SLC6A5: variants seen among roughly 807,000 people sequenced by gnomAD.
SLC6A5 encodes solute carrier family 6 member 5.
In SLC6A5, 58 loss-of-function variants were observed where a neutral mutation model predicts 90.5. The observed-to-expected ratio is 0.64, with a 90% CI of 0.52 to 0.80. The LOEUF (loss-of-function observed/expected upper bound fraction) is 0.80. Among genes scored for constraint, SLC6A5 ranks in the 30% least tolerant of loss-of-function variants. SLC6A5 has a pLI of 0.00. For missense variants in SLC6A5, 1,015 were observed against 1,017.6 expected (o/e 1.00, Z 0.03); for synonymous variants, 427 against 401.4 (o/e 1.06, Z -0.76).
chr11:20,630,898 G>A, intron 10 of SLC6A5, 83 bp downstream of exon 10: 1 of 1,520,518 alleles, frequency 6.6e-7, no homozygotes, highest in Non-Finnish European at 9.0e-7. Context: ...ATGCTGGGAA[G>A]CTGGCCTTCT....
chr11:20,600,962 T>G (rs1852459144), intron 1 of SLC6A5, among the ~76,000 whole-genome samples, 167 bp from the exon 2 acceptor site: 1 of 152,178 alleles, frequency 6.6e-6, no homozygotes, highest in Non-Finnish European at 1.5e-5. Context: ...AACGGGCAAA[T>G]TGAGAAATAC....
chr11:20,604,469 C>A, intron 3 of SLC6A5, 45 bp downstream of exon 3: 2 of 1,603,134 alleles, frequency 1.2e-6, no homozygotes, highest in Non-Finnish European at 8.5e-7. Context: ...GCGGGGCGGG[C>A]ACCTGAGGGT....
chr11:20,613,433 A>AGTCT (rs1745931478), intron 5 of SLC6A5, among the ~76,000 whole-genome samples: 1 of 152,214 alleles, frequency 6.6e-6, no homozygotes, highest in Admixed American at 6.5e-5. Flanking sequence ...AAAGAGAGGC[A>AGTCT]TTGTAAAATG....
At chr11:20,637,098 C>T in intron 11 of SLC6A5, 74 bp from the exon 12 acceptor site, 2 of 1,450,052 alleles carry the variant, frequency 1.4e-6, no homozygotes, top group Non-Finnish European at 1.9e-6. Context: ...CTGGATGGGA[C>T]ATACAAAGGG....
chr11:20,652,271 T>A lies in SLC6A5; in HGVS notation c.2071-18T>A. On this transcript the variant is annotated intron_variant, in intron 14 of 15. Transcript: ENST00000525748. ...TCACGCCACCACCCTAACACGTGTG[T>A]CACTTTTCTCTTTCCAGTTTATCCT... 1.9e-6 allele frequency: 3 copies of A among 1,613,780 alleles called. No individual in the cohort carries two copies. Among genetic ancestry groups the A allele is most frequent in the Non-Finnish European group, 2.5e-6 (3 of 1,179,646 alleles).
intron 5 of SLC6A5, among the ~76,000 whole-genome samples, chr11:20,609,865 A>T (rs1342775371): frequency 6.6e-6 from 1 of 152,150 alleles, no homozygotes; most frequent in Non-Finnish European, 1.5e-5. Context: ...AGCGTTTGCC[A>T]CATCTTTCTG....
chr11:20,628,785 T>C (rs978046181), intron 9 of SLC6A5, among the ~76,000 whole-genome samples: 2 of 152,124 alleles, frequency 1.3e-5, no homozygotes, highest in Non-Finnish European at 2.9e-5. Flanking sequence ...AATGAGGCTG[T>C]GGTGTGGCAG....
At chr11:20,611,978 T>C (rs1852702575) in intron 5 of SLC6A5, among the ~76,000 whole-genome samples, 1 of 152,210 alleles carries the variant, frequency 6.6e-6, no homozygotes, top group African/African-American at 2.4e-5. Context: ...ACGCAGGGTC[T>C]TGGTGAAGTA....
intron 10 of SLC6A5, among the ~76,000 whole-genome samples, chr11:20,633,050 G>A (rs12283304): frequency 0.01 from 1,579 of 152,200 alleles, 28 homozygotes; most frequent in African/African-American, 0.036. Context: ...AAGGGGGCAT[G>A]TTCTCGGGGA....
chr11:20,614,910 G>GC, intron 6 of SLC6A5, 90 bp downstream of exon 6: 1 of 1,270,500 alleles, frequency 7.9e-7, no homozygotes, highest in South Asian at 1.2e-5. Flanking sequence ...GGTGTGGGTA[G>GC]CCCAAGGGAT....
chr11:20,607,771 A>G (rs772135863), intron 5 of SLC6A5, 119 bp downstream of exon 5: 3 of 768,620 alleles, frequency 3.9e-6, no homozygotes, highest in Non-Finnish European at 6.7e-6. Flanking sequence ...GAACACAGAG[A>G]TTACATCAAA....
intron 9 of SLC6A5, chr11:20,629,035 T>C (rs1203154662): frequency 6.6e-6 from 1 of 151,984 alleles, no homozygotes; most frequent in African/African-American, 2.4e-5. Context: ...CAAATCAGAG[T>C]GGAAAGGAAG....
chr11:20,602,995 G>A (rs764885139), intron 2 of SLC6A5, among the ~76,000 whole-genome samples: 1 of 151,348 alleles, frequency 6.6e-6, no homozygotes, highest in Non-Finnish European at 1.5e-5. Flanking sequence ...TAGGAATGGA[G>A]GTGGTCTGTG....
At chr11:20,632,031 G>C (rs1853118426) in intron 10 of SLC6A5, among the ~76,000 whole-genome samples, 1 of 152,148 alleles carries the variant, frequency 6.6e-6, no homozygotes, top group Non-Finnish European at 1.5e-5. Flanking sequence ...TGGTTCCGCA[G>C]CAATGCACTA....
intron 13 of SLC6A5, among the ~76,000 whole-genome samples, chr11:20,644,012 T>C (rs951565510): frequency 6.6e-6 from 1 of 152,206 alleles, no homozygotes; most frequent in Non-Finnish European, 1.5e-5. Context: ...AAGATTGAAG[T>C]ACAATGTACA....
At chr11:20,608,944 C>CTGTGTG (rs1410710502) in intron 5 of SLC6A5, among the ~76,000 whole-genome samples, 113 of 118,840 alleles carry the variant, frequency 9.5e-4, no homozygotes, top group African/African-American at 3.0e-3. Context: ...CTCTCTCTCT[C>CTGTGTG]TCTCTCTCTC....
chr11:20,601,583 A>G lies in SLC6A5; in HGVS notation c.458A>G (p.Asn153Ser). Residue 153 changes from asparagine to serine, a missense_variant, in exon 2 of 16, where the codon AAC becomes AGC. Asn to Ser is a conservative substitution (Grantham distance 46). Coordinates refer to ENST00000525748, the MANE Select transcript of SLC6A5 (RefSeq NM_004211.5). ...AATACCCCTGTTGTGGGCTGGGTGA[A>G]CATGAGCCAGAGCACCGTGGTGCTG... ...RNNTPVVGWVNMSQSTVVLAT... is the reference protein window; with the variant it reads ...RNNTPVVGWVSMSQSTVVLAT... The G allele has an allele frequency of 3.1e-6, 5 of 1,614,114 alleles. No individual in the cohort carries two copies. Among genetic ancestry groups the G allele is most frequent in the Non-Finnish European group, 4.2e-6 (5 of 1,179,966 alleles).
Position 20,636,375 on chromosome 11 carries a change from A to G in SLC6A5, c.1693A>G (p.Ile565Val), listed in dbSNP as rs1853208190. Reference protein sequence around the residue: ...TRLPLSPFWAIIFFLMLLTLG... With the variant: ...TRLPLSPFWAVIFFLMLLTLG... ...GCTGCCTCTCTCTCCGTTCTGGGCCATCATCTTTTTCCTGATGCTCCTCAC... is the reference window on the plus strand; with the variant it reads ...GCTGCCTCTCTCTCCGTTCTGGGCCGTCATCTTTTTCCTGATGCTCCTCAC... The change falls in exon 11 of 16, where the codon ATC (isoleucine) becomes GTC (valine). Residue 565 changes from isoleucine (I) to valine (V), a missense_variant. Physicochemically the swap from Ile to Val is conservative, Grantham distance 29. Around this residue, in one of 3 missense-constraint regions of SLC6A5, gnomAD observed 442 missense variants for 494.3 expected, o/e 0.89. Coordinates refer to ENST00000525748, the MANE Select transcript of SLC6A5 (RefSeq NM_004211.5). The G allele has an allele frequency of 1.2e-6, 2 of 1,613,910 alleles. No homozygotes were observed. Among genetic ancestry groups the G allele is most frequent in the South Asian group, 1.1e-5 (1 of 91,064 alleles).
At chr11:20,615,833 G>T (rs1231263900) in intron 6 of SLC6A5, among the ~76,000 whole-genome samples, 4 of 152,136 alleles carry the variant, frequency 2.6e-5, no homozygotes, top group Non-Finnish European at 5.9e-5. Flanking sequence ...ATAGGGAGGG[G>T]GTGGGGACTG....
Sources: gnomAD v4.1 joint callset for allele counts (sites outside exome capture counted in the v4.1 genomes callset) on GRCh38, gnomAD v4.1.1 for gene constraint, gnomAD v4.1.1 regional missense constraint, MANE v1.5 for transcripts, NCBI Gene and HGNC (gene_info 2026-07-23, HGNC 2026-07-21) for gene names.